The following TRAK1 variants were observed in gnomAD, a reference collection of about 807,000 sequenced individuals.
The protein encoded by TRAK1 is trafficking kinesin protein 1, also known as trafficking kinesin-binding protein 1.
Under a neutral mutation model 92.1 loss-of-function variants are expected in TRAK1, and 33 were observed. That is an observed-to-expected ratio of 0.36 (90% CI 0.27 to 0.48). TRAK1 has a LOEUF of 0.48. TRAK1 is among the 20% of genes least tolerant of loss of function. The pLI is 0.99. For missense variants in TRAK1, 1,123 were observed against 1,257.9 expected (o/e 0.89, Z 1.62); for synonymous variants, 521 against 517.3 (o/e 1.01, Z -0.10).
In TRAK1 at chr3:42,112,752, A is replaced by G. The variant is rs113198290; in HGVS notation, c.92-12668A>G. Reference sequence around the variant, plus strand: ...CTCTGTCTCAAAAAAAAAAAAAAAAAAAAACCAACTAATTTTTTGTTTGTT... The same window carrying G: ...CTCTGTCTCAAAAAAAAAAAAAAAAGAAAACCAACTAATTTTTTGTTTGTT... On this transcript the variant is annotated intron_variant, in intron 1 of 15. Transcript: ENST00000327628. Among the ~76,000 whole-genome samples the G allele has an allele frequency of 1.2e-3, 163 of 139,442 alleles. 3 individuals carry two copies. Among genetic ancestry groups the G allele is most frequent in the African/African-American group, 2.4e-3 (93 of 38,184 alleles). The allele number at this position is 139,442 out of a possible 152,430, so 91.5% of individuals were successfully genotyped here. A position where few individuals can be genotyped will look rare whatever the true frequency, so the allele number is the denominator to read the frequency against.
At chr3:42,078,769 A>G (rs867976146) in intron 1 of TRAK1, among the ~76,000 whole-genome samples, 2,496 of 144,380 alleles carry the variant, frequency 0.017, 87 homozygotes, top group African/African-American at 0.06. Context: ...AAAAAAAAAA[A>G]AAAGAAAGAA....
intron 2 of TRAK1, among the ~76,000 whole-genome samples, chr3:42,175,001 A>T (rs1050351102): frequency 2.0e-5 from 3 of 152,106 alleles, no homozygotes; most frequent in African/African-American, 7.2e-5. Context: ...AGTGTTAGAG[A>T]AATAGCAGCT....
chr3:42,223,358 G>T lies in TRAK1; in HGVS notation c.2483G>T (p.Arg828Leu). 1 of 1,614,214 alleles carries T rather than the reference G, an allele frequency of 6.2e-7. No homozygotes were observed. The highest frequency in any genetic ancestry group is 1.1e-5 in the South Asian group (1 of 91,078). Residue 828 changes from arginine to leucine, a missense_variant, in exon 16 of 16, where the codon CGC becomes CTC. Coordinates refer to ENST00000327628, the MANE Select transcript of TRAK1 (RefSeq NM_001042646.3). This position sits in a 1 kb window ranked among gnomAD's most constrained non-coding sequence, Gnocchi z 6.1. ...AGGGAAGTGAGAGAAAAGAACGTCC[G>T]CAGCAGCGAGAGCCAGACCGACGTG... is the stretch of plus-strand genomic sequence containing the variant. Reference protein sequence around the residue: ...ILREVREKNVRSSESQTDVSV... With the variant: ...ILREVREKNVLSSESQTDVSV...
chr3:42,072,053 G>A (rs1703955148), intron 1 of TRAK1, among the ~76,000 whole-genome samples: 1 of 152,300 alleles, frequency 6.6e-6, no homozygotes, highest in Non-Finnish European at 1.5e-5. Flanking sequence ...ATCCTGCTGG[G>A]ATGCCTCTCT....
At chr3:42,184,430 T>G (rs1168805511) in intron 3 of TRAK1, among the ~76,000 whole-genome samples, 2 of 152,236 alleles carry the variant, frequency 1.3e-5, no homozygotes, top group African/African-American at 4.8e-5. Context: ...TTCTTTCCTG[T>G]AGGAACAAAG....
At chr3:42,016,561 A>C (rs1036675522) in intron 1 of TRAK1, among the ~76,000 whole-genome samples, 4 of 152,096 alleles carry the variant, frequency 2.6e-5, no homozygotes, top group Admixed American at 2.0e-4. Context: ...GGCCTCTGTA[A>C]TTGTTTGGTG....
At chr3:42,145,989 C>T (rs1313677494) in intron 2 of TRAK1, 2 of 331,276 alleles carry the variant, frequency 6.0e-6, no homozygotes, top group Non-Finnish European at 1.2e-5. Context: ...AATGCTGCAA[C>T]AGTACAATGA....
At chr3:42,121,131 C>CGCAGCCCTCGT (rs1559794535) in intron 1 of TRAK1, among the ~76,000 whole-genome samples, 1 of 152,166 alleles carries the variant, frequency 6.6e-6, no homozygotes, top group African/African-American at 2.4e-5. Context: ...CAAGATGTGC[C>CGCAGCCCTCGT]GCAGCCCTCG....
At position 42,140,989 on chromosome 3, in the gene TRAK1, C is replaced by A. The variant is rs141976636; in HGVS notation, c.286+15375C>A. 2.0e-5 allele frequency among the ~76,000 whole-genome samples: 3 copies of A among 152,088 alleles called. No homozygotes were observed. In the South Asian group the frequency reaches 6.2e-4, roughly 32 times the overall value. On this transcript the variant is annotated intron_variant, in intron 2 of 15. Transcript: ENST00000327628. The stretch of plus-strand genomic sequence containing the variant: ...AGTTGTTTTGTTCAGATGGCCACAT[C>A]GGGGCCTGGGCATGCCTGTGCTGAT...
At chr3:42,211,629 GA>G in intron 14 of TRAK1, 1 of 985,398 alleles carries the variant, frequency 1.0e-6, no homozygotes, top group Non-Finnish European at 1.2e-6. Context: ...GTGAGTTCTG[GA>G]AGTGCAAAGA....
At chr3:42,141,577 T>G (rs961713244) in intron 2 of TRAK1, among the ~76,000 whole-genome samples, 2 of 152,096 alleles carry the variant, frequency 1.3e-5, no homozygotes, top group Non-Finnish European at 2.9e-5. Flanking sequence ...AGGCCAGAGG[T>G]CCAAAGTCAA....
intron 2 of TRAK1, among the ~76,000 whole-genome samples, chr3:42,148,740 T>C (rs1699617001): frequency 6.6e-6 from 1 of 152,190 alleles, no homozygotes; most frequent in Non-Finnish European, 1.5e-5. Flanking sequence ...CAGAGAATAG[T>C]AGTGCATCTA....
chr3:42,190,005 G>A lies in TRAK1; in HGVS notation c.690+881G>A, dbSNP rs545454882. On this transcript the variant is annotated intron_variant, in intron 6 of 15. Transcript: ENST00000327628. ...TCGTTACTTTGATTCTCATTGGAACGGTGGGCCCCAGGCTGCTAGGTGTTT... is the reference window on the plus strand; with the variant it reads ...TCGTTACTTTGATTCTCATTGGAACAGTGGGCCCCAGGCTGCTAGGTGTTT... Among the ~76,000 whole-genome samples, 31 of 152,018 alleles carry A rather than the reference G, an allele frequency of 2.0e-4. 1 individual carries two copies. Among genetic ancestry groups the A allele is most frequent in the South Asian group, 4.2e-4 (2 of 4,810 alleles).
At chr3:42,027,501 A>T (rs976640929) in intron 1 of TRAK1, among the ~76,000 whole-genome samples, 1 of 151,798 alleles carries the variant, frequency 6.6e-6, no homozygotes, top group Non-Finnish European at 1.5e-5. Context: ...CTAGCCTGGG[A>T]GACAGAGCAA....
At chr3:42,096,631 T>C (rs1705962848) in intron 1 of TRAK1, among the ~76,000 whole-genome samples, 1 of 152,236 alleles carries the variant, frequency 6.6e-6, no homozygotes, top group South Asian at 2.1e-4. Flanking sequence ...TGACATAGCT[T>C]GTATTTCAAA....
At chr3:42,173,022 T>A (rs1479785619) in intron 2 of TRAK1, among the ~76,000 whole-genome samples, 1 of 152,110 alleles carries the variant, frequency 6.6e-6, no homozygotes, top group Non-Finnish European at 1.5e-5. Context: ...GGCAGGCACC[T>A]GTAATCCCAG....
chr3:42,140,025 A>G (rs1384193850), intron 2 of TRAK1, among the ~76,000 whole-genome samples: 2 of 152,128 alleles, frequency 1.3e-5, no homozygotes, highest in Non-Finnish European at 2.9e-5. Context: ...CCGTGTACTG[A>G]TGCTACCACA....
chr3:42,107,121 T>A (rs1707672379), intron 1 of TRAK1, among the ~76,000 whole-genome samples: 1 of 152,196 alleles, frequency 6.6e-6, no homozygotes, highest in Admixed American at 6.5e-5. Context: ...ATGTGGGCCT[T>A]GAACTCTGGC....
At chr3:42,049,476 A>G (rs1463576659) in intron 1 of TRAK1, among the ~76,000 whole-genome samples, 2 of 151,372 alleles carry the variant, frequency 1.3e-5, no homozygotes, top group Non-Finnish European at 2.9e-5. Flanking sequence ...TTTTTCCATC[A>G]CCCATTTCTT....
Sources: gnomAD v4.1 joint callset for allele counts (sites outside exome capture counted in the v4.1 genomes callset) on GRCh38, gnomAD v4.1.1 for gene constraint, Gnocchi (gnomAD v3.1) non-coding constraint, MANE v1.5 for transcripts, NCBI Gene and HGNC (gene_info 2026-07-23, HGNC 2026-07-21) for gene names.